SEMA6D: variants seen among roughly 807,000 people sequenced by gnomAD.
The protein encoded by SEMA6D is semaphorin-6D.
In SEMA6D, 35 loss-of-function variants were observed where a neutral mutation model predicts 106.6. The ratio of observed to expected loss-of-function variants is 0.33; its 90% confidence interval spans 0.25 to 0.44. SEMA6D has a LOEUF of 0.44. SEMA6D is among the 20% of genes least tolerant of loss of function. SEMA6D has a pLI of 1.00. For missense variants in SEMA6D, 1,185 were observed against 1,345.9 expected, an observed-to-expected ratio of 0.88 and a Z score of 1.87; for synonymous variants, 499 against 487.7, an observed-to-expected ratio of 1.02 and a Z score of -0.31.
chr15:47,478,655 G>A (rs2043064948), intron 3 of SEMA6D, among the ~76,000 whole-genome samples: 1 of 152,100 alleles, frequency 6.6e-6, no homozygotes, highest in South Asian at 2.1e-4. Flanking sequence ...AAATAATGGT[G>A]GCTTAGTCAG....
In SEMA6D at chr15:47,771,528, T is replaced by C; in HGVS notation, c.2965T>C (p.Leu989=). 1.2e-6 allele frequency: 2 copies of C among 1,614,114 alleles called. No individual in the cohort carries two copies. The highest frequency in any genetic ancestry group is 2.2e-5 in the South Asian group (2 of 91,076). ...KNLNSPNGVL[L]SRQPSMNRGG... ...CTTAAACTCACCAAATGGTGTTTTGTTATCCAGACAGCCTAGTATGAACCG... is the reference window on the plus strand; with the variant it reads ...CTTAAACTCACCAAATGGTGTTTTGCTATCCAGACAGCCTAGTATGAACCG... The change falls in exon 19 of 19, where the codon TTA becomes CTA. Residue 989 remains leucine, a synonymous_variant. Coordinates refer to ENST00000536845, the MANE Select transcript of SEMA6D (RefSeq NM_001358351.3).
At chr15:47,448,852 G>T (rs964849186) in intron 2 of SEMA6D, among the ~76,000 whole-genome samples, 11 of 152,174 alleles carry the variant, frequency 7.2e-5, no homozygotes, top group African/African-American at 2.6e-4. Flanking sequence ...TCAAGCAGGG[G>T]GCTGTGGAAA....
intron 3 of SEMA6D, among the ~76,000 whole-genome samples, chr15:47,471,929 TCTCACACA>T (rs1295245937): frequency 0.01 from 1,088 of 105,968 alleles, 14 homozygotes; most frequent in African/African-American, 0.04. Flanking sequence ...TCTCTCTCTC[TCTCACACA>T]CACACACACA....
At chr15:47,497,556 G>A (rs546492357) in intron 3 of SEMA6D, among the ~76,000 whole-genome samples, 1 of 152,060 alleles carries the variant, frequency 6.6e-6, no homozygotes, top group East Asian at 1.9e-4. Flanking sequence ...TGTACTCTCT[G>A]CCTCAGTAGA....
At chr15:47,347,555 GT>G (rs2144684255) in intron 1 of SEMA6D, among the ~76,000 whole-genome samples, 1 of 151,228 alleles carries the variant, frequency 6.6e-6, no homozygotes, top group Non-Finnish European at 1.5e-5. Context: ...GGTAATAAAA[GT>G]GTTCAAAGTA....
intron 4 of SEMA6D, among the ~76,000 whole-genome samples, chr15:47,612,770 A>AT (rs5812403): frequency 0.015 from 2,290 of 149,066 alleles, 60 homozygotes; most frequent in African/African-American, 0.051. Context: ...TTTATTTTTT[A>AT]TTTTTTTTTT....
intron 1 of SEMA6D, among the ~76,000 whole-genome samples, chr15:47,220,374 G>A (rs1022409672): frequency 7.2e-5 from 11 of 152,104 alleles, no homozygotes; most frequent in Admixed American, 7.2e-4. Context: ...GATATACAAT[G>A]GTTTATTTGT....
rs16959048 is a variant in SEMA6D at position 47,205,269 on chromosome 15, T to C, written c.-239+20851T>C. On this transcript the variant is annotated intron_variant, in intron 1 of 19. Coordinates refer to the SEMA6D transcript ENST00000558014. ...TATTGTCTTCTCCTTTTTGCTCTTATGAATTTTGAAAATTTGATGTGATTA... is the reference window on the plus strand; with the variant it reads ...TATTGTCTTCTCCTTTTTGCTCTTACGAATTTTGAAAATTTGATGTGATTA... Among the ~76,000 whole-genome samples the C allele has an allele frequency of 9.6e-3, 1,461 of 152,296 alleles. 40 individuals carry two copies. The highest frequency in any genetic ancestry group is 0.057 in the Admixed American group (866 of 15,278).
chr15:47,683,493 C>A (rs2078403580), intron 4 of SEMA6D, among the ~76,000 whole-genome samples: 1 of 152,114 alleles, frequency 6.6e-6, no homozygotes, highest in Non-Finnish European at 1.5e-5. Context: ...TATGAAAAAT[C>A]TCAACATCCT....
Position 47,511,936 on chromosome 15 carries a change from C to T in SEMA6D, c.-87+41391C>T, listed in dbSNP as rs140238621. Among the ~76,000 whole-genome samples the T allele has an allele frequency of 6.2e-3, 938 of 152,194 alleles. 11 individuals are homozygous for T. Among genetic ancestry groups the T allele is most frequent in the African/African-American group, 0.022 (900 of 41,524 alleles). ...CCTGGGAAAGCAGCTTGCCTGACCT[C>T]GGTGAGAAAAAGTTTTAGTCTTAAT... On this transcript the variant is annotated intron_variant, in intron 3 of 19. Transcript: ENST00000558014.
At chr15:47,292,791 C>G (rs995325322) in intron 1 of SEMA6D, among the ~76,000 whole-genome samples, 1 of 152,152 alleles carries the variant, frequency 6.6e-6, no homozygotes, top group African/African-American at 2.4e-5. Flanking sequence ...TGAGCAATGA[C>G]TTAGATGGAG....
chr15:47,333,376 A>G (rs1422455609), intron 1 of SEMA6D, among the ~76,000 whole-genome samples: 2 of 152,200 alleles, frequency 1.3e-5, no homozygotes. Context: ...TGTATGGACC[A>G]TAAATGATGT....
intron 4 of SEMA6D, among the ~76,000 whole-genome samples, chr15:47,698,606 C>T (rs962013616): frequency 2.0e-5 from 3 of 152,172 alleles, no homozygotes; most frequent in African/African-American, 7.2e-5. Flanking sequence ...TAGAAATCAC[C>T]TGTTACTTTT....
chr15:47,256,068 T>C (rs527908626), intron 1 of SEMA6D, among the ~76,000 whole-genome samples: 3 of 152,324 alleles, frequency 2.0e-5, no homozygotes, highest in African/African-American at 7.2e-5. Context: ...TCTGTTTCTC[T>C]ACTAACAACA....
intron 2 of SEMA6D, among the ~76,000 whole-genome samples, chr15:47,423,612 A>AT (rs894355814): frequency 3.8e-4 from 57 of 150,280 alleles, no homozygotes; most frequent in African/African-American, 1.2e-3. Context: ...TAAAGAAATC[A>AT]TTTTTTTTTT....
intron 3 of SEMA6D, among the ~76,000 whole-genome samples, chr15:47,566,696 C>T (rs894558558): frequency 4.6e-5 from 7 of 152,180 alleles, no homozygotes; most frequent in African/African-American, 7.2e-5. Flanking sequence ...GTCATTTAAC[C>T]GTCCCCAACC....
intron 2 of SEMA6D, among the ~76,000 whole-genome samples, chr15:47,423,360 C>T (rs1318366762): frequency 6.6e-6 from 1 of 152,000 alleles, no homozygotes; most frequent in African/African-American, 2.4e-5. Context: ...ATCAGGCATT[C>T]TTAGCCACAT....
chr15:47,553,194 G>T (rs141254188), intron 3 of SEMA6D, among the ~76,000 whole-genome samples: 1 of 151,548 alleles, frequency 6.6e-6, no homozygotes, highest in Non-Finnish European at 1.5e-5. Context: ...ATGAGCCACC[G>T]CGCCCAGCCA....
At chr15:47,509,748 G>T (rs980521961) in intron 3 of SEMA6D, among the ~76,000 whole-genome samples, 2 of 152,184 alleles carry the variant, frequency 1.3e-5, no homozygotes, top group African/African-American at 2.4e-5. Flanking sequence ...CGCTAGTCCA[G>T]TGGTTCTCAA....
Sources: gnomAD v4.1 joint callset for allele counts (sites outside exome capture counted in the v4.1 genomes callset) on GRCh38, gnomAD v4.1.1 for gene constraint, MANE v1.5 for transcripts, NCBI Gene and HGNC (gene_info 2026-07-23, HGNC 2026-07-21) for gene names.